DHRS7: variants seen among roughly 807,000 people sequenced by gnomAD.
The protein encoded by DHRS7 is dehydrogenase/reductase 7.
In DHRS7, 34 loss-of-function variants were observed where a neutral mutation model predicts 38.9. The observed-to-expected ratio is 0.87, with a 90% CI of 0.66 to 1.16. The LOEUF (loss-of-function observed/expected upper bound fraction) is 1.16. Ranked by LOEUF, DHRS7 falls within the 50% of genes most tolerant of loss-of-function variation. The pLI, the probability that DHRS7 is intolerant of heterozygous loss-of-function variation, is 0.00. For missense variants in DHRS7, 421 were observed against 407.0 expected, an observed-to-expected ratio of 1.03 and a Z score of -0.30; for synonymous variants, 158 against 153.1, an observed-to-expected ratio of 1.03 and a Z score of -0.24.
chr14:60,152,301 CG>C (rs1896561681), intron 4 of DHRS7, among the ~76,000 whole-genome samples: 1 of 152,126 alleles, frequency 6.6e-6, no homozygotes, highest in East Asian at 1.9e-4. Flanking sequence ...ATTTATACAT[CG>C]TAAGTTATGC....
chr14:60,149,911 A>G (rs1276667984), intron 5 of DHRS7, among the ~76,000 whole-genome samples, 154 bp downstream of exon 5: 4 of 152,224 alleles, frequency 2.6e-5, no homozygotes, highest in African/African-American at 9.7e-5. Context: ...ATGAAATTCC[A>G]TAAACAATTT....
At chr14:60,168,930 A>G, upstream of DHRS7, 2 of 661,132 alleles carry the variant, frequency 3.0e-6, no homozygotes, top group Non-Finnish European at 2.3e-6. Flanking sequence ...GAAGTTTTGG[A>G]GAACCTGGGA....
intron 1 of DHRS7, among the ~76,000 whole-genome samples, chr14:60,156,763 A>C (rs1013190496): frequency 6.6e-6 from 1 of 152,210 alleles, no homozygotes; most frequent in African/African-American, 2.4e-5. Context: ...TTTTGTAAAA[A>C]TGTTCCCCAG....
chr14:60,163,620 T>C (rs1896806645), intron 1 of DHRS7, among the ~76,000 whole-genome samples: 1 of 152,214 alleles, frequency 6.6e-6, no homozygotes, highest in Admixed American at 6.5e-5. Context: ...ATTAAATGAA[T>C]TTCTTAAAAT....
In DHRS7 at chr14:60,165,349, C is replaced by G. The variant is rs1336609459; in HGVS notation, c.-40G>C. The G allele has an allele frequency of 6.5e-7, 1 of 1,548,874 alleles. No individual in the cohort carries two copies. The highest frequency in any genetic ancestry group is 1.9e-5 in the Admixed American group (1 of 52,440). On this transcript the variant is annotated 5_prime_UTR_variant, in exon 1 of 7. Transcript: ENST00000557185. This position sits in a 1 kb window ranked among gnomAD's most constrained non-coding sequence, Gnocchi z 4.6. ...CCCAGCTCGGGGGGAAGAAGACGGC[C>G]CGCACCAGAGTCGCGTCGCTGCCCT...
chr14:60,166,273 C>A (rs1401908224), upstream of DHRS7: 1 of 985,272 alleles, frequency 1.0e-6, no homozygotes, highest in Non-Finnish European at 1.2e-6. Context: ...GTTTTCCATT[C>A]ACAAGCCTCA....
At chr14:60,151,281 C>G (rs1441772741) in intron 4 of DHRS7, among the ~76,000 whole-genome samples, 1 of 152,044 alleles carries the variant, frequency 6.6e-6, no homozygotes, top group Admixed American at 6.6e-5. Flanking sequence ...AGATACTGAC[C>G]ATTTCTAAAC....
chr14:60,149,702 AC>A (rs1896495617), intron 5 of DHRS7, 134 bp from the exon 6 acceptor site: 2 of 657,470 alleles, frequency 3.0e-6, no homozygotes, highest in Non-Finnish European at 5.1e-6. Context: ...CTCCATAGGT[AC>A]TAATGGGAGT....
intron 2 of DHRS7, among the ~76,000 whole-genome samples, chr14:60,155,623 C>G (rs1896642416): frequency 1.3e-5 from 2 of 152,084 alleles, no homozygotes; most frequent in African/African-American, 4.8e-5. Context: ...ATATCTGATA[C>G]TTTAATAAAA....
Position 60,146,174 on chromosome 14 carries a change from A to G in DHRS7, c.973-1161T>C, listed in dbSNP as rs1227338431. On this transcript the variant is annotated intron_variant, in intron 6 of 6. Coordinates refer to ENST00000557185, the MANE Select transcript of DHRS7 (RefSeq NM_016029.4). The surrounding 1 kb of genome is among the most constrained non-coding windows in gnomAD (Gnocchi z 4.9). ...AAGTAGTAAGACTATATAATAAGCA[A>G]TATTTCAAAGATGGTGGTAGGAAGA... The G allele has an allele frequency of 6.6e-6, 1 of 152,040 alleles. No individual in the cohort carries two copies. Among genetic ancestry groups the G allele is most frequent in the Non-Finnish European group, 1.5e-5 (1 of 67,974 alleles). 9.4% of individuals were successfully genotyped at this position (152,040 alleles called of 1,614,324 possible). A position where few individuals can be genotyped will look rare whatever the true frequency, so the allele number is the denominator to read the frequency against.
Position 60,153,075 on chromosome 14 carries a change from G to A in DHRS7, c.497C>T (p.Thr166Met), listed in dbSNP as rs779784047. ...CAGAACACATTTTGTCAAGGACACC[G>A]TCCCTAAGTAGTTAAGCTCTATTAG... ...RKLIELNYLG[T>M]VSLTKCVLPH... Residue 166 changes from threonine (T) to methionine (M), a missense_variant, in exon 4 of 7, where the codon ACG (threonine) becomes ATG (methionine). Coordinates refer to ENST00000557185, the MANE Select transcript of DHRS7 (RefSeq NM_016029.4). This position sits in a 1 kb window ranked among gnomAD's most constrained non-coding sequence, Gnocchi z 4.4. The A allele has an allele frequency of 1.1e-5, 17 of 1,614,066 alleles. No individual in the cohort carries two copies. Among genetic ancestry groups the A allele is most frequent in the South Asian group, 3.3e-5 (3 of 91,090 alleles).
At position 60,153,112 on chromosome 14, in the gene DHRS7, C is replaced by T. The variant is rs1437246199; in HGVS notation, c.460G>A (p.Val154Ile). 1 of 1,614,048 alleles carries T rather than the reference C, an allele frequency of 6.2e-7. No individual in the cohort carries two copies. Among genetic ancestry groups the T allele is most frequent in the Non-Finnish European group, 8.5e-7 (1 of 1,180,016 alleles). ...TTAAGCTCTATTAGCTTTCTGTAGA[C>T]ATCCAAGCTGGTATCCATGCACAGA... ...RSLCMDTSLD[V>I]YRKLIELNYL... The change falls in exon 4 of 7, where the codon GTC (valine) becomes ATC (isoleucine). Residue 154 changes from valine to isoleucine, a missense_variant. Transcript: ENST00000557185. The surrounding 1 kb of genome is among the most constrained non-coding windows in gnomAD (Gnocchi z 4.4).
Position 60,153,868 on chromosome 14 carries a change from C to A in DHRS7, c.393+91G>T. The A allele has an allele frequency of 8.6e-7, 1 of 1,159,264 alleles. No individual in the cohort carries two copies. The highest frequency in any genetic ancestry group is 1.3e-6 in the Non-Finnish European group (1 of 776,156). The allele number at this position is 1,159,264 out of a possible 1,614,324, so 71.8% of individuals were successfully genotyped here. On this transcript the variant is annotated intron_variant, in intron 3 of 6. Coordinates refer to ENST00000557185, the MANE Select transcript of DHRS7 (RefSeq NM_016029.4). This position sits in a 1 kb window ranked among gnomAD's most constrained non-coding sequence, Gnocchi z 4.4. The stretch of plus-strand genomic sequence containing the variant: ...GATCTCACTGCATGGACCCCACTTG[C>A]CTAAAGCCCTTTGTATGACAGCACC...
chr14:60,158,580 A>G (rs1896704040), intron 1 of DHRS7, among the ~76,000 whole-genome samples: 1 of 152,194 alleles, frequency 6.6e-6, no homozygotes, highest in African/African-American at 2.4e-5. Context: ...TTTTAATACA[A>G]TCACAATTCT....
upstream of DHRS7, among the ~76,000 whole-genome samples, chr14:60,167,505 C>T (rs1896882922): frequency 6.6e-6 from 1 of 152,130 alleles, no homozygotes; most frequent in African/African-American, 2.4e-5. Context: ...GGGGTCAGGC[C>T]CATTCATGGC....
intron 2 of DHRS7, 164 bp downstream of exon 2, chr14:60,155,836 C>G (rs575405200): frequency 1.7e-6 from 1 of 579,144 alleles, no homozygotes; most frequent in Non-Finnish European, 2.6e-6. Context: ...AAGAAAAAGG[C>G]GAGGGCAGCC....
In DHRS7 at chr14:60,162,576, G is replaced by T. The variant is rs1896784526; in HGVS notation, c.133+2601C>A. The stretch of plus-strand genomic sequence containing the variant: ...TTTTACTTTTGTATTATGTGAGTGT[G>T]CTATTTTTTTAAGTGACAAAAAATA... On this transcript the variant is annotated intron_variant, in intron 1 of 6. Transcript: ENST00000557185. This position sits in a 1 kb window ranked among gnomAD's most constrained non-coding sequence, Gnocchi z 4.5. 6.6e-6 allele frequency among the ~76,000 whole-genome samples: 1 copy of T among 152,036 alleles called. No individual in the cohort carries two copies. The highest frequency in any genetic ancestry group is 2.1e-4 in the South Asian group (1 of 4,824).
chr14:60,169,428 G>A (rs1290165782), upstream of DHRS7, among the ~76,000 whole-genome samples: 1 of 152,210 alleles, frequency 6.6e-6, no homozygotes, highest in Non-Finnish European at 1.5e-5. Context: ...CCCAAGGATA[G>A]GTCACAGAAG....
At position 60,152,948 on chromosome 14, in the gene DHRS7, A is replaced by G. The variant is rs565975825; in HGVS notation, c.624T>C (p.His208=). 1.9e-6 allele frequency: 3 copies of G among 1,614,124 alleles called. No homozygotes were observed. Among genetic ancestry groups the G allele is most frequent in the Admixed American group, 3.3e-5 (2 of 60,018 alleles). Residue 208 remains histidine, a synonymous_variant, in exon 4 of 7, where the codon CAT becomes CAC. Transcript: ENST00000557185. Reference sequence around the variant, plus strand: ...GTTTGAGCAGCCTTACCCGGAGAGCATGCTTGCTAGCACAGTATCCAATGG... The same window carrying G: ...GTTTGAGCAGCCTTACCCGGAGAGCGTGCTTGCTAGCACAGTATCCAATGG... ...PLSIGYCASK[H]ALRGFFNGLR... is the part of the protein sequence containing the mutation.
Sources: allele counts gnomAD v4.1 joint callset (sites outside exome capture counted in the v4.1 genomes callset), GRCh38; gene constraint gnomAD v4.1.1; non-coding constraint Gnocchi (gnomAD v3.1); transcripts MANE v1.5; gene names NCBI Gene and HGNC (gene_info 2026-07-23, HGNC 2026-07-21).